Variants in LPP observed in about 807,000 individuals in gnomAD.
LPP encodes the protein lipoma-preferred partner.
LPP carries 38 observed loss-of-function variants against 60.4 expected under a neutral mutation model. That is an observed-to-expected ratio of 0.63 (90% CI 0.49 to 0.83). The LOEUF (loss-of-function observed/expected upper bound fraction) is 0.83, where lower values mean the gene tolerates loss of function less well. Among genes scored for constraint, LPP ranks in the 40% least tolerant of loss-of-function variants. The pLI is 0.00. For synonymous variants in LPP, 328 were observed against 290.8 expected (o/e 1.13, Z -1.30); for missense variants, 902 against 783.6 (o/e 1.15, Z -1.80).
chr3:188,221,218 GC>G (rs1209876485), intron 1 of LPP, among the ~76,000 whole-genome samples: 1 of 152,164 alleles, frequency 6.6e-6, no homozygotes, highest in African/African-American at 2.4e-5. Context: ...TGTTCCCTGA[GC>G]CTATTTTTCT....
At chr3:188,502,144 G>A (rs946213635) in intron 5 of LPP, among the ~76,000 whole-genome samples, 7 of 152,084 alleles carry the variant, frequency 4.6e-5, no homozygotes, top group Non-Finnish European at 7.3e-5. Context: ...TTCAATTGTT[G>A]TTCAAGTCCT....
At chr3:188,793,309 G>C (rs1029114816) in intron 9 of LPP, among the ~76,000 whole-genome samples, 1 of 151,532 alleles carries the variant, frequency 6.6e-6, no homozygotes, top group Non-Finnish European at 1.5e-5. Flanking sequence ...AGCCTCATTA[G>C]TAGCTGGGAT....
chr3:188,452,948 C>G (rs953736761), intron 4 of LPP, among the ~76,000 whole-genome samples: 3 of 152,180 alleles, frequency 2.0e-5, no homozygotes, highest in African/African-American at 7.2e-5. Flanking sequence ...AGATTCACCT[C>G]TTAAGTTGTC....
chr3:188,304,254 A>C (rs1750820052), intron 2 of LPP, among the ~76,000 whole-genome samples: 1 of 152,174 alleles, frequency 6.6e-6, no homozygotes, highest in African/African-American at 2.4e-5. Context: ...CCTCCAATTC[A>C]GAGTGTAGTG....
intron 2 of LPP, among the ~76,000 whole-genome samples, chr3:188,273,628 T>A (rs977205657): frequency 2.6e-5 from 3 of 114,550 alleles, no homozygotes; most frequent in Non-Finnish European, 5.0e-5. Context: ...GGAGTTTCAC[T>A]CTTGTTGCCC....
chr3:188,286,305 G>C (rs1244675990), intron 2 of LPP, among the ~76,000 whole-genome samples: 3 of 152,128 alleles, frequency 2.0e-5, no homozygotes, highest in Non-Finnish European at 4.4e-5. Flanking sequence ...TGTTGAGCAG[G>C]GAATTGCTCC....
At chr3:188,756,660 C>A (rs1177542669) in intron 8 of LPP, among the ~76,000 whole-genome samples, 3 of 152,182 alleles carry the variant, frequency 2.0e-5, no homozygotes, top group Non-Finnish European at 4.4e-5. Flanking sequence ...GGTACCTTTT[C>A]TGTCCTACTG....
At chr3:188,708,646 A>G (rs940015566) in intron 8 of LPP, 2 of 560,274 alleles carry the variant, frequency 3.6e-6, no homozygotes, top group Admixed American at 3.1e-5. Flanking sequence ...TTTATTGTTG[A>G]GACTTATTTT....
At chr3:188,845,758 T>G (rs1220376958) in intron 9 of LPP, among the ~76,000 whole-genome samples, 1 of 152,212 alleles carries the variant, frequency 6.6e-6, no homozygotes, top group Non-Finnish European at 1.5e-5. Flanking sequence ...AGAATGACTC[T>G]GTGACCTTGG....
At chr3:188,652,521 A>G (rs945770931) in intron 7 of LPP, among the ~76,000 whole-genome samples, 1 of 152,000 alleles carries the variant, frequency 6.6e-6, no homozygotes, top group East Asian at 1.9e-4. Flanking sequence ...ATAATGCAAA[A>G]CAGAACCGAT....
chr3:188,813,112 A>T (rs1751529036), intron 9 of LPP, among the ~76,000 whole-genome samples: 2 of 152,152 alleles, frequency 1.3e-5, no homozygotes, highest in South Asian at 2.1e-4. Context: ...GAGCTTATAG[A>T]CTCATGCTAG....
At chr3:188,327,077 A>G (rs2150451831) in intron 2 of LPP, among the ~76,000 whole-genome samples, 1 of 152,270 alleles carries the variant, frequency 6.6e-6, no homozygotes, top group Middle Eastern at 3.4e-3. Context: ...TTGTGTATCA[A>G]CTCATTTGAC....
chr3:188,673,955 T>A (rs910838435), intron 7 of LPP, among the ~76,000 whole-genome samples: 1 of 150,402 alleles, frequency 6.6e-6, no homozygotes, highest in Non-Finnish European at 1.5e-5. Flanking sequence ...ACTGATGAAA[T>A]ATACCCCCTG....
At chr3:188,412,796 A>G (rs1785204008) in intron 4 of LPP, among the ~76,000 whole-genome samples, 1 of 152,180 alleles carries the variant, frequency 6.6e-6, no homozygotes, top group Non-Finnish European at 1.5e-5. Context: ...GGTGAATTAT[A>G]TTAAATAGGG....
intron 6 of LPP, among the ~76,000 whole-genome samples, chr3:188,574,698 A>G (rs1267682937): frequency 1.3e-5 from 2 of 151,992 alleles, no homozygotes; most frequent in Non-Finnish European, 2.9e-5. Flanking sequence ...CTCTTTTGCC[A>G]GCGTAATTTC....
intron 2 of LPP, among the ~76,000 whole-genome samples, chr3:188,314,041 TTAAG>T (rs1412222416): frequency 6.6e-6 from 1 of 152,228 alleles, no homozygotes; most frequent in Non-Finnish European, 1.5e-5. Flanking sequence ...GAGTTTCTAG[TTAAG>T]TAAGTATATT....
chr3:188,218,135 A>G (rs1260574602), intron 1 of LPP, among the ~76,000 whole-genome samples: 1 of 152,246 alleles, frequency 6.6e-6, no homozygotes, highest in African/African-American at 2.4e-5. Flanking sequence ...GTGGGAGCCC[A>G]GAAGAGCTGG....
intron 9 of LPP, among the ~76,000 whole-genome samples, chr3:188,843,736 G>A (rs369378810): frequency 2.2e-5 from 3 of 135,982 alleles, no homozygotes. Flanking sequence ...GCAGGGAGCC[G>A]AGATCGCGCC....
At chr3:188,462,580 ATATATGCATGTG>A (rs1799312664) in intron 4 of LPP, among the ~76,000 whole-genome samples, 12 of 52,396 alleles carry the variant, frequency 2.3e-4, no homozygotes, top group Non-Finnish European at 3.3e-4. Context: ...ATATATATAT[ATATATGCATGTG>A]TGTGTGTGTG....
Sources: gnomAD v4.1 joint callset for allele counts (sites outside exome capture counted in the v4.1 genomes callset) on GRCh38, gnomAD v4.1.1 for gene constraint, MANE v1.5 for transcripts, NCBI Gene and HGNC (gene_info 2026-07-23, HGNC 2026-07-21) for gene names.